Variants in TTN observed in about 807,000 individuals in gnomAD.
TTN encodes the protein connectin.
Under a neutral mutation model 3,223.0 loss-of-function variants are expected in TTN, and 1,525 were observed. The ratio of observed to expected loss-of-function variants is 0.47; its 90% CI spans 0.45 to 0.49. The LOEUF (loss-of-function observed/expected upper bound fraction) is 0.49. Ranked by LOEUF, TTN falls within the 20% of genes least tolerant of loss-of-function variation. TTN has a pLI of 0.00. For synonymous variants in TTN, 14,094 were observed against 15,161.0 expected, an observed-to-expected ratio of 0.93 and a Z score of 5.17; for missense variants, 40,786 against 43,424.0, an observed-to-expected ratio of 0.94 and a Z score of 5.40.
Position 178,722,559 on chromosome 2 carries a change from A to G in TTN, c.22241-13T>C. 1 of 1,606,008 alleles carries G rather than the reference A, an allele frequency of 6.2e-7. No individual in the cohort carries two copies. The highest frequency in any genetic ancestry group is 8.5e-7 in the Non-Finnish European group (1 of 1,175,534). On this transcript the variant is annotated splice_polypyrimidine_tract_variant and intron_variant, in intron 76 of 362. Transcript: ENST00000589042. ...GGGAGTTGGCGCTCTGTAGGGAGAC[A>G]TGTAATACTTAAGGTGTTAGGAGAT...
chr2:178,549,812 A>T lies in TTN; in HGVS notation c.91910T>A (p.Met30637Lys), dbSNP rs1698605663. 6.2e-7 allele frequency: 1 copy of T among 1,605,944 alleles called. No homozygotes were observed. Among genetic ancestry groups the T allele is most frequent in the Admixed American group, 1.7e-5 (1 of 59,666 alleles). The change falls in exon 338 of 363, where the codon ATG becomes AAG. Residue 30637 changes from methionine (M) to lysine (K), a missense_variant. By Grantham distance (95) the Met-to-Lys change is moderately conservative. Transcript: ENST00000589042. Reference sequence around the variant, plus strand: ...GAGTGGGGCATCCCACCACAGAGTCATCTTCTCCCCAGTAATATTGGTGAA... The same window carrying T: ...GAGTGGGGCATCCCACCACAGAGTCTTCTTCTCCCCAGTAATATTGGTGAA... The part of the protein sequence containing the change: ...IRFTNITGEK[M>K]TLWWDAPLND...
At chr2:178,650,703 G>C in intron 209 of TTN, 48 bp downstream of exon 209, 1 of 1,484,238 alleles carries the variant, frequency 6.7e-7, no homozygotes, top group Non-Finnish European at 9.1e-7. Flanking sequence ...GCTTAAATTA[G>C]AAATAGTCGC....
At chr2:178,688,438 C>T (rs1035249214) in intron 126 of TTN, among the ~76,000 whole-genome samples, 9 of 152,186 alleles carry the variant, frequency 5.9e-5, no homozygotes, top group Non-Finnish European at 5.9e-5. Context: ...CAAGTGTGGC[C>T]ACTTTCAAAA....
In TTN at chr2:178,807,233, A is replaced by G. The variant is rs369020878; in HGVS notation, c.-35T>C. The G allele has an allele frequency of 2.0e-5, 3 of 152,172 alleles. No homozygotes were observed. Among genetic ancestry groups the G allele is most frequent in the African/African-American group, 7.2e-5 (3 of 41,424 alleles). 9.4% of individuals were successfully genotyped at this position (152,172 alleles called of 1,614,324 possible). On this transcript the variant is annotated 5_prime_UTR_variant, in exon 1 of 363. Transcript: ENST00000589042. ...TCACCTGATTTCTCAAGAGTGCCTAAAAAGGGTGGGACTAAGCCCAAGGTT... is the reference window on the plus strand; with the variant it reads ...TCACCTGATTTCTCAAGAGTGCCTAGAAAGGGTGGGACTAAGCCCAAGGTT...
Position 178,561,869 on chromosome 2 carries a change from C to G in TTN, c.84263G>C (p.Ser28088Thr), listed in dbSNP as rs200450022. The G allele has an allele frequency of 6.2e-7, 1 of 1,613,636 alleles. No homozygotes were observed. The highest frequency in any genetic ancestry group is 2.2e-5 in the East Asian group (1 of 44,786). ...PPEYDGGCQISNYIVEKKETT... is the reference protein window; with the variant it reads ...PPEYDGGCQITNYIVEKKETT... ...TTCTTTCTTTTCAACAATGTAATTG[C>G]TAATTTGGCAGCCACCATCATATTC... is the stretch of plus-strand genomic sequence containing the variant. The change falls in exon 326 of 363, where the codon AGC (serine) becomes ACC (threonine). Residue 28088 changes from serine (S) to threonine (T), a missense_variant. Ser to Thr is a moderately conservative substitution (Grantham distance 58, BLOSUM62 1). Transcript: ENST00000589042.
At position 178,715,028 on chromosome 2, in the gene TTN, C is replaced by A. The variant is rs980079508; in HGVS notation, c.26158G>T (p.Asp8720Tyr). ...CCAACGCAAGTGTCGCTTCCCACAT[C>A]ATTTGTGGCTTTACACTGATATTCC... ...IGEYQCKATN[D>Y]VGSDTCVGSI... Residue 8720 changes from aspartate (D) to tyrosine (Y), a missense_variant, in exon 90 of 363, where the codon GAT becomes TAT. Physicochemically the swap from Asp to Tyr is radical, Grantham distance 160. Transcript: ENST00000589042. 4 of 1,613,106 alleles carry A rather than the reference C, an allele frequency of 2.5e-6. No individual in the cohort carries two copies. The African/African-American group carries it at 4.0e-5, about 16-fold the overall frequency.
At position 178,551,056 on chromosome 2, in the gene TTN, T is replaced by C. The variant is rs769678577; in HGVS notation, c.91475A>G (p.Tyr30492Cys). 1.8e-5 allele frequency: 29 copies of C among 1,613,318 alleles called. No individual in the cohort carries two copies. The highest frequency in any genetic ancestry group is 3.3e-5 in the Admixed American group (2 of 59,964). ...TVTGLSPGDR[Y>C]EFRIIARNAV... is the part of the protein sequence containing the mutation. ...ATTTCTTGCAATTATTCTGAACTCA[T>C]AGCGATCCCCAGGACTGAGTCCTGT... The change falls in exon 336 of 363, where the codon TAT becomes TGT. Residue 30492 changes from tyrosine to cysteine, a missense_variant. Transcript: ENST00000589042.
intron 287 of TTN, 24 bp from the exon 288 acceptor site, chr2:178,601,195 A>G (rs1257611273): frequency 2.0e-6 from 3 of 1,521,582 alleles, no homozygotes; most frequent in Non-Finnish European, 2.6e-6. Context: ...TAAAGGAAGT[A>G]TTAAGCGTTG....
At position 178,546,041 on chromosome 2, in the gene TTN, G is replaced by A. The variant is rs753334568; in HGVS notation, c.95195C>T (p.Pro31732Leu). Residue 31732 changes from proline to leucine, a missense_variant, in exon 343 of 363, where the codon CCG (proline) becomes CTG (leucine). Transcript: ENST00000589042. ...QEKCTLAWSL[P>L]QEDGGAEITH... Reference sequence around the variant, plus strand: ...GATTTCTGCTCCTCCGTCTTCCTGCGGAAGGCTCCAGGCTAAAGTGCACTT... The same window carrying A: ...GATTTCTGCTCCTCCGTCTTCCTGCAGAAGGCTCCAGGCTAAAGTGCACTT... The A allele has an allele frequency of 9.3e-6, 15 of 1,613,628 alleles. No individual in the cohort carries two copies. The highest frequency in any genetic ancestry group is 1.7e-5 in the Admixed American group (1 of 59,986).
chr2:178,709,444 T>G (rs1402469318), intron 99 of TTN, 122 bp downstream of exon 99: 36 of 1,003,020 alleles, frequency 3.6e-5, no homozygotes, highest in Non-Finnish European at 4.8e-5. Context: ...AATACACAGT[T>G]AAATAATGTG....
rs1432636298 is a variant in TTN at position 178,764,363 on chromosome 2, G to C, written c.9989-61C>G. On this transcript the variant is annotated intron_variant, in intron 42 of 362. Transcript: ENST00000589042. Reference sequence around the variant, plus strand: ...GTCACCATAGAGACCTCACAGAAGGGAGCATGTAGGTTTATCTTAATTTAT... The same window carrying C: ...GTCACCATAGAGACCTCACAGAAGGCAGCATGTAGGTTTATCTTAATTTAT... 2.5e-5 allele frequency: 40 copies of C among 1,612,868 alleles called. 1 individual carries two copies. The highest frequency in any genetic ancestry group is 3.3e-4 in the Middle Eastern group (2 of 6,060).
Position 178,563,222 on chromosome 2 carries a change from T to G in TTN, c.82910A>C (p.Lys27637Thr). 3 of 1,613,688 alleles carry G rather than the reference T, an allele frequency of 1.9e-6. No homozygotes were observed. The highest frequency in any genetic ancestry group is 1.7e-4 in the Middle Eastern group (1 of 6,060). ...QGKQFTVTKL[K>T]ENTEYNFRIC... ...ACGGAAGTTATATTCAGTGTTTTCTTTAAGCTTGGTCACTGTGAACTGCTT... is the reference window on the plus strand; with the variant it reads ...ACGGAAGTTATATTCAGTGTTTTCTGTAAGCTTGGTCACTGTGAACTGCTT... The change falls in exon 326 of 363, where the codon AAA (lysine) becomes ACA (threonine). Residue 27637 changes from lysine (K) to threonine (T), a missense_variant. Lys to Thr is a moderately conservative substitution (Grantham distance 78, BLOSUM62 -1). Coordinates refer to ENST00000589042, the MANE Select transcript of TTN (RefSeq NM_001267550.2). This position sits in a 1 kb window ranked among gnomAD's most constrained non-coding sequence, Gnocchi z 4.5.
chr2:178,605,143 C>T lies in TTN; in HGVS notation c.54034G>A (p.Asp18012Asn). Reference protein sequence around the residue: ...KNETVIEKPTDALQITKEEVS... With the variant: ...KNETVIEKPTNALQITKEEVS... Reference sequence around the variant, plus strand: ...TCTTCCTTGGTTATCTGAAGTGCATCAGTGGGTTTTTCAATTACAGTTTCA... The same window carrying T: ...TCTTCCTTGGTTATCTGAAGTGCATTAGTGGGTTTTTCAATTACAGTTTCA... The change falls in exon 280 of 363, where the codon GAT (aspartate) becomes AAT (asparagine). Residue 18012 changes from aspartate (D) to asparagine (N), a missense_variant. Transcript: ENST00000589042. 6.2e-7 allele frequency: 1 copy of T among 1,612,612 alleles called. No individual in the cohort carries two copies. Among genetic ancestry groups the T allele is most frequent in the Non-Finnish European group, 8.5e-7 (1 of 1,179,178 alleles).
At chr2:178,711,424 G>A (rs1488905921) in intron 96 of TTN, 75 bp from the exon 97 acceptor site, 47 of 1,377,622 alleles carry the variant, frequency 3.4e-5, no homozygotes, top group Admixed American at 3.1e-4. Context: ...ATATACAAAC[G>A]CACGTATATA....
At position 178,607,783 on chromosome 2, in the gene TTN, A is replaced by C. The variant is rs1245385099; in HGVS notation, c.53002+2T>G. 4 of 1,612,752 alleles carry C rather than the reference A, an allele frequency of 2.5e-6. No individual in the cohort carries two copies. Among genetic ancestry groups the C allele is most frequent in the Non-Finnish European group, 3.4e-6 (4 of 1,179,306 alleles). Reference sequence around the variant, plus strand: ...TAATTTTATTCCAATAACGTTAAGTACCTTGTGGTTCAGCCACAGTAACAG... The same window carrying C: ...TAATTTTATTCCAATAACGTTAAGTCCCTTGTGGTTCAGCCACAGTAACAG... On this transcript the variant is annotated splice_donor_variant, in intron 276 of 362. Coordinates refer to ENST00000589042, the MANE Select transcript of TTN (RefSeq NM_001267550.2). LOFTEE classifies it high-confidence loss of function.
At position 178,723,491 on chromosome 2, in the gene TTN, C is replaced by G. The variant is rs1374160884; in HGVS notation, c.21609G>C (p.Gln7203His). The G allele has an allele frequency of 2.5e-6, 4 of 1,613,206 alleles. No individual in the cohort carries two copies. The highest frequency in any genetic ancestry group is 3.4e-6 in the Non-Finnish European group (4 of 1,179,600). ...ELELFNIDIS[Q>H]SGEYTCVVSN... ...AAACCACACAGGTGTATTCCCCACT[C>G]TGAGATATGTCAATATTAAATAATT... Residue 7203 changes from glutamine to histidine, a missense_variant, in exon 74 of 363, where the codon CAG (glutamine) becomes CAC (histidine). Physicochemically the swap from Gln to His is conservative, Grantham distance 24. Transcript: ENST00000589042.
chr2:178,688,713 C>G lies in TTN; in HGVS notation c.32161G>C (p.Ala10721Pro). Residue 10721 changes from alanine (A) to proline (P), a missense_variant, in exon 126 of 363, where the codon GCA becomes CCA. Ala to Pro is a conservative substitution (Grantham distance 27). Coordinates refer to ENST00000589042, the MANE Select transcript of TTN (RefSeq NM_001267550.2). ...GTGACTTCCACTCTTTGAGGAACTG[C>G]GAAGGATAGTTTTTCTTCAGCAACA... ...RFVAEEKLSF[A>P]VPQRVEVTRH... 6.2e-7 allele frequency: 1 copy of G among 1,613,774 alleles called. No homozygotes were observed. The highest frequency in any genetic ancestry group is 2.2e-5 in the East Asian group (1 of 44,876).
In TTN at chr2:178,613,149, TATAA is replaced by T; in HGVS notation, c.49648+8_49648+11del. 1 of 1,607,094 alleles carries T rather than the reference TATAA, an allele frequency of 6.2e-7. No homozygotes were observed. The highest frequency in any genetic ancestry group is 1.1e-5 in the South Asian group (1 of 89,596). Reference sequence around the variant, plus strand: ...AACTTCGAAATAACCACAAAAATTATATAAATAATACCTATGGGATCCTTTATTA... The same window carrying T: ...AACTTCGAAATAACCACAAAAATTATATAATACCTATGGGATCCTTTATTA... On this transcript the variant is annotated splice_region_variant and intron_variant, in intron 264 of 362. Coordinates refer to ENST00000589042, the MANE Select transcript of TTN (RefSeq NM_001267550.2).
At chr2:178,645,372 A>G (rs919425997) in intron 217 of TTN, among the ~76,000 whole-genome samples, 19 of 152,042 alleles carry the variant, frequency 1.2e-4, no homozygotes, top group African/African-American at 4.1e-4. Flanking sequence ...GCAAGAAAAA[A>G]AAAGAGATGG....
Sources: gnomAD v4.1 joint callset for allele counts (sites outside exome capture counted in the v4.1 genomes callset) on GRCh38, gnomAD v4.1.1 for gene constraint, Gnocchi (gnomAD v3.1) non-coding constraint, MANE v1.5 for transcripts, NCBI Gene and HGNC (gene_info 2026-07-23, HGNC 2026-07-21) for gene names.